Variants in DPYSL3 observed in about 807,000 individuals in gnomAD.
The protein encoded by DPYSL3 is dihydropyrimidinase like 3, also known as dihydropyrimidinase-related protein 3.
A neutral mutation model predicts 66.1 loss-of-function variants in DPYSL3; 16 were observed. The ratio of observed to expected loss-of-function variants is 0.24; its 90% CI spans 0.16 to 0.37. DPYSL3 has a LOEUF of 0.37. DPYSL3 is among the 10% of genes least tolerant of loss of function. DPYSL3 has a pLI of 1.00. For synonymous variants in DPYSL3, 338 were observed against 345.1 expected, an observed-to-expected ratio of 0.98 and a Z score of 0.23; for missense variants, 738 against 916.2, an observed-to-expected ratio of 0.81 and a Z score of 2.51.
At position 147,394,684 on chromosome 5, in the gene DPYSL3, A is replaced by AC. The variant is rs111289448; in HGVS notation, c.1967-562_1967-561insG. ...AGGTAGCCAGAGAACAACAACAACA[A>AC]AAAAAAAAAGGCAAAAACTTTGAAA... On this transcript the variant is annotated intron_variant, in intron 13 of 13. Transcript: ENST00000343218. Among the ~76,000 whole-genome samples, 143 of 92,256 alleles carry AC rather than the reference A, an allele frequency of 1.6e-3. 1 individual carries two copies. The highest frequency in any genetic ancestry group is 4.6e-3 in the African/African-American group (136 of 29,380). 60.5% of individuals were successfully genotyped at this position (92,256 alleles called of 152,430 possible).
Position 147,395,641 on chromosome 5 carries a change from G to A in DPYSL3, c.1884C>T (p.Thr628=), listed in dbSNP as rs1241576766. 2.6e-5 allele frequency: 42 copies of A among 1,614,148 alleles called. No homozygotes were observed. The highest frequency in any genetic ancestry group is 3.5e-5 in the Non-Finnish European group (41 of 1,180,056). ...GAGAGCCCCGAGCAGAGCCTGCGGG[G>A]GTGCCACCTTTGGGGGTGGTGGTCA... ...FDLTTTPKGG[T]PAGSARGSPT... Residue 628 remains threonine, a synonymous_variant, in exon 13 of 14, where the codon ACC becomes ACT. Transcript: ENST00000343218.
At chr5:147,439,722 C>T (rs1752496272) in intron 1 of DPYSL3, among the ~76,000 whole-genome samples, 1 of 151,932 alleles carries the variant, frequency 6.6e-6, no homozygotes, top group African/African-American at 2.4e-5. Flanking sequence ...AGGGTGATGA[C>T]AGTGATGAAA....
intron 1 of DPYSL3, among the ~76,000 whole-genome samples, chr5:147,502,376 TACACACACACAC>T (rs10561693): frequency 6.7e-6 from 1 of 149,392 alleles, no homozygotes; most frequent in Non-Finnish European, 1.5e-5. Flanking sequence ...ATGTCACAGA[TACACACACACAC>T]ACACACACAC....
intron 1 of DPYSL3, chr5:147,453,760 A>T: frequency 7.6e-7 from 1 of 1,314,906 alleles, no homozygotes; most frequent in Non-Finnish European, 9.7e-7. Context: ...GGCGGCTGCC[A>T]GAGACAATAG....
At chr5:147,433,796 G>T (rs1201002912) in intron 1 of DPYSL3, among the ~76,000 whole-genome samples, 1 of 152,172 alleles carries the variant, frequency 6.6e-6, no homozygotes. Context: ...CACTCTGGGC[G>T]GCCAAGGCGG....
In DPYSL3 at chr5:147,405,740, A is replaced by G; in HGVS notation, c.1033-10T>C. 1 of 1,607,194 alleles carries G rather than the reference A, an allele frequency of 6.2e-7. No individual in the cohort carries two copies. ...CAGCCTCAGCTTCCAGCTGCAAGAA[A>G]AAGTCTCCAGGAGTCAATAGAAACA... On this transcript the variant is annotated splice_polypyrimidine_tract_variant and intron_variant, in intron 7 of 13. Transcript: ENST00000343218.
chr5:147,401,085 C>CAATAA (rs1758162134), intron 9 of DPYSL3, among the ~76,000 whole-genome samples: 3 of 152,144 alleles, frequency 2.0e-5, no homozygotes, highest in Non-Finnish European at 1.5e-5. Flanking sequence ...CTCAAATGAG[C>CAATAA]AATGTCATGA....
intron 1 of DPYSL3, among the ~76,000 whole-genome samples, chr5:147,489,559 T>G (rs1753384412): frequency 6.6e-6 from 1 of 152,216 alleles, no homozygotes; most frequent in Non-Finnish European, 1.5e-5. Context: ...CAAAAATAAG[T>G]ACTCCATAAA....
chr5:147,442,170 A>G (rs2126373511), intron 1 of DPYSL3, among the ~76,000 whole-genome samples: 1 of 152,384 alleles, frequency 6.6e-6, no homozygotes, highest in Non-Finnish European at 1.5e-5. Context: ...TTTTAAAAAC[A>G]AACACACATA....
intron 8 of DPYSL3, among the ~76,000 whole-genome samples, chr5:147,402,882 T>A (rs1401797094): frequency 6.6e-6 from 1 of 152,180 alleles, no homozygotes; most frequent in East Asian, 1.9e-4. Flanking sequence ...AAATGCTAGC[T>A]CATAGCTAGG....
intron 7 of DPYSL3, among the ~76,000 whole-genome samples, chr5:147,407,289 T>C (rs918323717): frequency 2.0e-5 from 3 of 152,092 alleles, no homozygotes; most frequent in African/African-American, 2.4e-5. Context: ...TTCACCCAAA[T>C]GGCCTTCCAC....
At chr5:147,414,908 T>C (rs560991778) in intron 4 of DPYSL3, among the ~76,000 whole-genome samples, 2 of 152,294 alleles carry the variant, frequency 1.3e-5, no homozygotes, top group South Asian at 4.1e-4. Context: ...TCTGTTGTTC[T>C]TCATGAGCCT....
intron 6 of DPYSL3, 73 bp downstream of exon 6, chr5:147,412,535 G>T: frequency 7.0e-7 from 1 of 1,438,410 alleles, no homozygotes; most frequent in Non-Finnish European, 9.6e-7. Flanking sequence ...GAGAGCTCAA[G>T]CAGCACTGAA....
intron 1 of DPYSL3, among the ~76,000 whole-genome samples, chr5:147,467,648 C>G (rs146336908): frequency 6.6e-6 from 1 of 152,170 alleles, no homozygotes; most frequent in Non-Finnish European, 1.5e-5. Context: ...ACAATTTACA[C>G]GGACCTCCAA....
rs772047096 is a variant in DPYSL3 at position 147,394,015 on chromosome 5, T to C, written c.*20A>G. On this transcript the variant is annotated 3_prime_UTR_variant, in exon 14 of 14. Coordinates refer to ENST00000343218, the MANE Select transcript of DPYSL3 (RefSeq NM_001197294.2). ...AACAATCTCTTCTTGCTTCTGCCCCTCTCTTTGAGGAAGGCTTGCTTAACT... is the reference window on the plus strand; with the variant it reads ...AACAATCTCTTCTTGCTTCTGCCCCCCTCTTTGAGGAAGGCTTGCTTAACT... 1 of 1,613,052 alleles carries C rather than the reference T, an allele frequency of 6.2e-7. No individual in the cohort carries two copies. The highest frequency in any genetic ancestry group is 1.3e-5 in the African/African-American group (1 of 75,004).
At chr5:147,445,134 C>T (rs576874082) in intron 1 of DPYSL3, among the ~76,000 whole-genome samples, 1 of 152,284 alleles carries the variant, frequency 6.6e-6, no homozygotes, top group East Asian at 1.9e-4. Flanking sequence ...GAAATGATGT[C>T]TTTGTTGCAG....
At chr5:147,399,007 T>C in intron 11 of DPYSL3, 75 bp downstream of exon 11, 1 of 1,561,136 alleles carries the variant, frequency 6.4e-7, no homozygotes, top group South Asian at 1.2e-5. Flanking sequence ...GCACACCACA[T>C]AAACACATTT....
chr5:147,483,564 C>T (rs1395459646), intron 1 of DPYSL3, among the ~76,000 whole-genome samples: 1 of 152,204 alleles, frequency 6.6e-6, no homozygotes, highest in Non-Finnish European at 1.5e-5. Flanking sequence ...GTTACTCAGA[C>T]TTTCTCATTT....
intron 3 of DPYSL3, among the ~76,000 whole-genome samples, chr5:147,416,370 T>C (rs550327051): frequency 1.3e-5 from 2 of 152,250 alleles, no homozygotes; most frequent in South Asian, 2.1e-4. Context: ...CATAAGACAT[T>C]GAGGCTCTCT....
Sources: allele counts gnomAD v4.1 joint callset (sites outside exome capture counted in the v4.1 genomes callset), GRCh38; gene constraint gnomAD v4.1.1; transcripts MANE v1.5; gene names NCBI Gene and HGNC (gene_info 2026-07-23, HGNC 2026-07-21).